Variants in LCMT1 observed in about 807,000 individuals in gnomAD.
The protein encoded by LCMT1 is leucine carboxyl methyltransferase 1.
A neutral mutation model predicts 47.7 loss-of-function variants in LCMT1; 32 were observed. That is an observed-to-expected ratio of 0.67 (90% CI 0.51 to 0.90). LCMT1 has a LOEUF of 0.90. LCMT1 is among the 40% of genes least tolerant of loss of function. LCMT1 has a pLI of 0.00. For synonymous variants in LCMT1, 152 were observed against 149.7 expected, an observed-to-expected ratio of 1.02 and a Z score of -0.11; for missense variants, 375 against 415.2, an observed-to-expected ratio of 0.90 and a Z score of 0.84.
At chr16:25,162,652 C>G (rs1233626050) in intron 6 of LCMT1, among the ~76,000 whole-genome samples, 1 of 151,482 alleles carries the variant, frequency 6.6e-6, no homozygotes, top group Non-Finnish European at 1.5e-5. Flanking sequence ...CTAATAGAAC[C>G]CACCTGTAAG....
chr16:25,123,889 G>T (rs796958159), intron 1 of LCMT1, among the ~76,000 whole-genome samples: 2 of 152,162 alleles, frequency 1.3e-5, no homozygotes, highest in Non-Finnish European at 2.9e-5. Flanking sequence ...GATCACAAGC[G>T]TGAGCCACTA....
chr16:25,163,468 A>C (rs941890863), intron 6 of LCMT1, among the ~76,000 whole-genome samples: 10 of 32,202 alleles, frequency 3.1e-4, no homozygotes, highest in African/African-American at 6.9e-4. Context: ...ACTCTGTCTC[A>C]AAAAAAAAAA....
chr16:25,129,401 T>G (rs1179187914), intron 2 of LCMT1, among the ~76,000 whole-genome samples: 1 of 152,212 alleles, frequency 6.6e-6, no homozygotes, highest in African/African-American at 2.4e-5. Context: ...TTAATCTTCT[T>G]TAATCTGTCA....
intron 4 of LCMT1, chr16:25,144,722 G>A (rs1385462494): frequency 1.3e-5 from 2 of 152,150 alleles, no homozygotes; most frequent in African/African-American, 4.8e-5. Flanking sequence ...TGTCAGCTTA[G>A]ATGCTTCACT....
intron 3 of LCMT1, among the ~76,000 whole-genome samples, chr16:25,133,788 C>G (rs775848216): frequency 3.4e-4 from 52 of 150,938 alleles, no homozygotes; most frequent in Middle Eastern, 3.4e-3. Flanking sequence ...AATCCCAGCA[C>G]TTTGGGAGGC....
intron 6 of LCMT1, among the ~76,000 whole-genome samples, chr16:25,161,414 G>A (rs1961431088): frequency 6.6e-6 from 1 of 150,580 alleles, no homozygotes; most frequent in South Asian, 2.1e-4. Flanking sequence ...TGAGTGCAAT[G>A]GCACAATCTC....
intron 7 of LCMT1, among the ~76,000 whole-genome samples, chr16:25,166,043 C>CAGAT (rs1304273626): frequency 1.8e-4 from 28 of 151,722 alleles, no homozygotes; most frequent in African/African-American, 6.8e-4. Context: ...CCAAGGAGGG[C>CAGAT]AGATCTCCTG....
intron 7 of LCMT1, among the ~76,000 whole-genome samples, chr16:25,165,194 C>T (rs1347151460): frequency 6.6e-6 from 1 of 152,154 alleles, no homozygotes; most frequent in Non-Finnish European, 1.5e-5. Context: ...GCATGTGAGC[C>T]TAGAGCTGCC....
At chr16:25,154,219 G>C (rs534256680) in intron 5 of LCMT1, among the ~76,000 whole-genome samples, 7 of 151,314 alleles carry the variant, frequency 4.6e-5, no homozygotes, top group African/African-American at 1.7e-4. Context: ...TCAGCATGTT[G>C]GTCAGGCTGG....
chr16:25,177,014 T>A (rs184052615), intron 10 of LCMT1, among the ~76,000 whole-genome samples: 26 of 151,998 alleles, frequency 1.7e-4, no homozygotes, highest in Admixed American at 1.6e-3. Context: ...ATCCCGTCTC[T>A]ACTAAAAATA....
chr16:25,151,577 C>G lies in LCMT1; in HGVS notation c.428C>G (p.Pro143Arg). The change falls in exon 5 of 11, where the codon CCC (proline) becomes CGC (arginine). Residue 143 changes from proline (P) to arginine (R), a missense_variant. Transcript: ENST00000399069. ...SIKCKPPLSS[P>R]ILELHSEDTL... ...AGATGCAAGCCTCCCCTATCCAGCCCCATTCTAGAACTGCATTCAGAGGAC... is the reference window on the plus strand; with the variant it reads ...AGATGCAAGCCTCCCCTATCCAGCCGCATTCTAGAACTGCATTCAGAGGAC... The G allele has an allele frequency of 6.2e-7, 1 of 1,613,544 alleles. No homozygotes were observed. Among genetic ancestry groups the G allele is most frequent in the Non-Finnish European group, 8.5e-7 (1 of 1,179,654 alleles).
chr16:25,175,606 C>T (rs1187774017), intron 10 of LCMT1, among the ~76,000 whole-genome samples: 3 of 151,898 alleles, frequency 2.0e-5, no homozygotes, highest in East Asian at 1.9e-4. Flanking sequence ...CACTCCAGCC[C>T]GGGCAAGAAG....
In LCMT1 at chr16:25,140,409, T is replaced by TG. The variant is rs765847945; in HGVS notation, c.404+162_404+163insG. 147 of 609,930 alleles carry TG rather than the reference T, an allele frequency of 2.4e-4. No individual in the cohort carries two copies. In the Middle Eastern group the frequency reaches 2.9e-3, roughly 12 times the overall value. The allele number at this position is 609,930 out of a possible 1,614,324, so 37.8% of individuals were successfully genotyped here. On this transcript the variant is annotated intron_variant, in intron 4 of 10. Coordinates refer to ENST00000399069, the MANE Select transcript of LCMT1 (RefSeq NM_016309.3). ...TGCCCTGGCACTCATTCCAGCATGT[T>TG]CTACAGTCTGCAAAATGCAATATAC...
intron 5 of LCMT1, among the ~76,000 whole-genome samples, chr16:25,156,493 G>A (rs1287027179): frequency 6.6e-6 from 1 of 152,234 alleles, no homozygotes; most frequent in Non-Finnish European, 1.5e-5. Context: ...GCAAGTGAAA[G>A]CACTTCAGAA....
intron 2 of LCMT1, among the ~76,000 whole-genome samples, chr16:25,129,341 C>A (rs780925436): frequency 7.8e-4 from 118 of 151,602 alleles, no homozygotes; most frequent in Non-Finnish European, 1.3e-3. Context: ...ACATTAAAAT[C>A]ACAATAGTTT....
chr16:25,116,252 G>T (rs1238873445), intron 1 of LCMT1, among the ~76,000 whole-genome samples: 2 of 152,194 alleles, frequency 1.3e-5, no homozygotes, highest in African/African-American at 2.4e-5. Flanking sequence ...CAGTAGCTCT[G>T]TCTTTTCTAG....
In LCMT1 at chr16:25,111,975, A is replaced by G; in HGVS notation, c.92A>G (p.Glu31Gly). 10 of 1,613,276 alleles carry G rather than the reference A, an allele frequency of 6.2e-6. No individual in the cohort carries two copies. Among genetic ancestry groups the G allele is most frequent in the East Asian group, 2.2e-5 (1 of 44,874 alleles). Reference protein sequence around the residue: ...ADDEGVRGTCEDASLCKRFAV... With the variant: ...ADDEGVRGTCGDASLCKRFAV... Reference sequence around the variant, plus strand: ...GACGAGGGCGTGCGCGGCACCTGCGAAGATGCTTCCCTGTGCAAGAGGTGC... The same window carrying G: ...GACGAGGGCGTGCGCGGCACCTGCGGAGATGCTTCCCTGTGCAAGAGGTGC... The change falls in exon 1 of 11, where the codon GAA becomes GGA. Residue 31 changes from glutamate to glycine, a missense_variant. Physicochemically the swap from Glu to Gly is moderately conservative, Grantham distance 98. Coordinates refer to ENST00000399069, the MANE Select transcript of LCMT1 (RefSeq NM_016309.3).
At chr16:25,153,857 G>A (rs975522055) in intron 5 of LCMT1, among the ~76,000 whole-genome samples, 1 of 151,950 alleles carries the variant, frequency 6.6e-6, no homozygotes, top group Non-Finnish European at 1.5e-5. Context: ...GGAAGCTAAG[G>A]CAGGAGACTC....
intron 6 of LCMT1, among the ~76,000 whole-genome samples, chr16:25,164,080 C>T (rs2141702370): frequency 6.6e-6 from 1 of 152,218 alleles, no homozygotes; most frequent in South Asian, 2.1e-4. Flanking sequence ...AGGTCTTCTC[C>T]CCCTATAGCA....
Sources: allele counts gnomAD v4.1 joint callset (sites outside exome capture counted in the v4.1 genomes callset), GRCh38; gene constraint gnomAD v4.1.1; transcripts MANE v1.5; gene names NCBI Gene and HGNC (gene_info 2026-07-23, HGNC 2026-07-21).